The following SESTD1 variants were observed in gnomAD, a reference collection of about 807,000 sequenced individuals.
SESTD1 encodes SEC14 domain and spectrin repeat-containing protein 1.
In SESTD1, 43 loss-of-function variants were observed where a neutral mutation model predicts 101.7. The observed-to-expected ratio is 0.42, with a 90% confidence interval of 0.33 to 0.55. The LOEUF (loss-of-function observed/expected upper bound fraction) is 0.55, where lower values mean the gene tolerates loss of function less well. SESTD1 is among the 20% of genes least tolerant of loss of function. The pLI is 0.07. For synonymous variants in SESTD1, 283 were observed against 286.8 expected, an observed-to-expected ratio of 0.99 and a Z score of 0.13; for missense variants, 647 against 815.1, an observed-to-expected ratio of 0.79 and a Z score of 2.51.
Position 179,180,400 on chromosome 2 carries a change from G to A in SESTD1, c.164+2680C>T, listed in dbSNP as rs1575465227. The stretch of plus-strand genomic sequence containing the variant: ...CTTAGCTAGCTACACTGCTGGAGAT[G>A]TTGGCAGATGTTCACAGCTGGAAGG... On this transcript the variant is annotated intron_variant, in intron 3 of 17. Transcript: ENST00000428443. Among the ~76,000 whole-genome samples the A allele has an allele frequency of 2.6e-5, 4 of 152,176 alleles. No homozygotes were observed. In the South Asian group the frequency reaches 8.3e-4, roughly 32 times the overall value.
At position 179,111,840 on chromosome 2, in the gene SESTD1, C is replaced by T. The variant is rs137944086; in HGVS notation, c.1961+884G>A. ...GTTCATGCCATTTTCCTGCCTCAGCCTCCCGAGTAGCTGGGACTACAGGCA... is the reference window on the plus strand; with the variant it reads ...GTTCATGCCATTTTCCTGCCTCAGCTTCCCGAGTAGCTGGGACTACAGGCA... On this transcript the variant is annotated intron_variant, in intron 17 of 17. Transcript: ENST00000428443. Among the ~76,000 whole-genome samples, 390 of 152,018 alleles carry T rather than the reference C, an allele frequency of 2.6e-3. 3 individuals are homozygous for T. The East Asian group carries it at 0.028, about 11-fold the overall frequency.
chr2:179,215,494 A>T (rs569746414), intron 1 of SESTD1, among the ~76,000 whole-genome samples: 1 of 134,068 alleles, frequency 7.5e-6, no homozygotes, highest in East Asian at 2.0e-4. Flanking sequence ...TGAGGCAATA[A>T]TTAATACCCT....
At chr2:179,234,335 G>C (rs13429191) in intron 1 of SESTD1, among the ~76,000 whole-genome samples, 1,753 of 152,162 alleles carry the variant, frequency 0.012, 31 homozygotes, top group African/African-American at 0.037. Context: ...TAAATAAATA[G>C]ACATCTCTCA....
chr2:179,129,117 A>G (rs2154394256), intron 10 of SESTD1, among the ~76,000 whole-genome samples: 1 of 152,350 alleles, frequency 6.6e-6, no homozygotes, highest in South Asian at 2.1e-4. Flanking sequence ...CATTAGGAGA[A>G]ATGAGTCTTG....
At chr2:179,201,322 G>A (rs1159916300) in intron 1 of SESTD1, among the ~76,000 whole-genome samples, 1 of 127,176 alleles carries the variant, frequency 7.9e-6, no homozygotes, top group East Asian at 2.0e-4. Flanking sequence ...TACACTGTTG[G>A]TGGGACTGTG....
intron 1 of SESTD1, among the ~76,000 whole-genome samples, chr2:179,235,977 CCTT>C (rs1485941118): frequency 6.6e-6 from 1 of 152,086 alleles, no homozygotes; most frequent in African/African-American, 2.4e-5. Context: ...CTTAGATTCA[CCTT>C]CTCTGTGAAA....
intron 9 of SESTD1, among the ~76,000 whole-genome samples, chr2:179,134,248 A>G (rs1448280008): frequency 1.3e-5 from 2 of 152,220 alleles, no homozygotes; most frequent in South Asian, 2.1e-4. Flanking sequence ...GTTATAGCCA[A>G]TTCTCATAGA....
intron 1 of SESTD1, among the ~76,000 whole-genome samples, chr2:179,217,575 C>T (rs950732960): frequency 1.3e-5 from 2 of 152,146 alleles, no homozygotes; most frequent in African/African-American, 4.8e-5. Context: ...GTGGTGATTC[C>T]TCAAGGATCT....
At chr2:179,256,140 A>T (rs1299907643) in intron 1 of SESTD1, among the ~76,000 whole-genome samples, 6 of 152,272 alleles carry the variant, frequency 3.9e-5, no homozygotes, top group Non-Finnish European at 7.3e-5. Flanking sequence ...CTGACACAAA[A>T]GTCATTCTGT....
At chr2:179,178,955 G>T (rs1290038569) in intron 3 of SESTD1, among the ~76,000 whole-genome samples, 1 of 152,122 alleles carries the variant, frequency 6.6e-6, no homozygotes, top group East Asian at 1.9e-4. Flanking sequence ...TGATCTTAAA[G>T]GAATAAAATA....
chr2:179,167,408 T>C (rs2045853966), intron 5 of SESTD1, among the ~76,000 whole-genome samples: 2 of 152,122 alleles, frequency 1.3e-5, no homozygotes, highest in African/African-American at 4.8e-5. Flanking sequence ...AAATATTTTA[T>C]CATACATCCA....
chr2:179,137,710 G>T (rs2045182395), intron 9 of SESTD1, among the ~76,000 whole-genome samples: 1 of 152,130 alleles, frequency 6.6e-6, no homozygotes, highest in Non-Finnish European at 1.5e-5. Flanking sequence ...GGGAATCACG[G>T]ATAAATATCA....
chr2:179,195,291 T>C (rs1040361997), intron 1 of SESTD1, among the ~76,000 whole-genome samples: 1 of 152,170 alleles, frequency 6.6e-6, no homozygotes, highest in African/African-American at 2.4e-5. Context: ...GATAGTGAGT[T>C]CTCAAGAGAT....
intron 9 of SESTD1, among the ~76,000 whole-genome samples, chr2:179,132,843 T>A (rs2045042235): frequency 6.6e-6 from 1 of 152,220 alleles, no homozygotes; most frequent in Non-Finnish European, 1.5e-5. Flanking sequence ...ATTAAGTGAC[T>A]TGCCCAAGAT....
At chr2:179,227,171 G>A (rs1279172117) in intron 1 of SESTD1, among the ~76,000 whole-genome samples, 1 of 143,222 alleles carries the variant, frequency 7.0e-6, no homozygotes, top group Non-Finnish European at 1.5e-5. Flanking sequence ...TACAGCCTAA[G>A]TGAGTTTTCA....
Position 179,116,787 on chromosome 2 carries a change from C to T in SESTD1, c.1528G>A (p.Val510Ile). The change falls in exon 15 of 18, where the codon GTA (valine) becomes ATA (isoleucine). Residue 510 changes from valine to isoleucine, a missense_variant. Physicochemically the swap from Val to Ile is conservative, Grantham distance 29. Coordinates refer to ENST00000428443, the MANE Select transcript of SESTD1 (RefSeq NM_178123.5). Reference sequence around the variant, plus strand: ...TCCAGAAGTTCACTTAGCCATTCTACTGCCTAAACAAAAAGACATAACAAT... The same window carrying T: ...TCCAGAAGTTCACTTAGCCATTCTATTGCCTAAACAAAAAGACATAACAAT... ...FKCEEDAAQA[V>I]EWLSELLDAL... 6.2e-7 allele frequency: 1 copy of T among 1,613,140 alleles called. No individual in the cohort carries two copies. The highest frequency in any genetic ancestry group is 8.5e-7 in the Non-Finnish European group (1 of 1,179,300).
At chr2:179,189,024 C>T (rs4600699) in intron 2 of SESTD1, among the ~76,000 whole-genome samples, 4,717 of 152,204 alleles carry the variant, frequency 0.031, 246 homozygotes, top group African/African-American at 0.11. Context: ...AGTACCAATC[C>T]TACTGAAATT....
At chr2:179,183,500 G>GT (rs1304388956) in intron 2 of SESTD1, among the ~76,000 whole-genome samples, 1 of 152,088 alleles carries the variant, frequency 6.6e-6, no homozygotes, top group Non-Finnish European at 1.5e-5. Flanking sequence ...GCCCAGCACA[G>GT]TAAGTATTTG....
intron 9 of SESTD1, among the ~76,000 whole-genome samples, chr2:179,134,412 T>A (rs1299332259): frequency 1.3e-5 from 2 of 152,184 alleles, no homozygotes; most frequent in Admixed American, 1.3e-4. Context: ...TGCCTCCATC[T>A]CTTCTATCTG....
Sources: gnomAD v4.1 joint callset for allele counts (sites outside exome capture counted in the v4.1 genomes callset) on GRCh38, gnomAD v4.1.1 for gene constraint, MANE v1.5 for transcripts, NCBI Gene and HGNC (gene_info 2026-07-23, HGNC 2026-07-21) for gene names.